EDIL3: variants seen among roughly 807,000 people sequenced by gnomAD.
EDIL3 encodes the protein EGF like and discoidin domains 3, also known as EGF-like repeat and discoidin I-like domain-containing protein 3.
Under a neutral mutation model 67.4 loss-of-function variants are expected in EDIL3, and 37 were observed. The observed-to-expected ratio is 0.55, with a 90% confidence interval of 0.42 to 0.72. EDIL3 has a LOEUF of 0.72. Among genes scored for constraint, EDIL3 ranks in the 30% least tolerant of loss-of-function variants. EDIL3 has a pLI of 0.00. For missense variants in EDIL3, 527 were observed against 586.3 expected (o/e 0.90, Z 1.04); for synonymous variants, 195 against 196.3 (o/e 0.99, Z 0.05).
chr5:84,109,731 C>T (rs1486921748), intron 5 of EDIL3, among the ~76,000 whole-genome samples: 1 of 152,048 alleles, frequency 6.6e-6, no homozygotes, highest in Non-Finnish European at 1.5e-5. Context: ...CAATTTCCAA[C>T]AGTTGCATAC....
chr5:84,153,399 C>G (rs1748433325), intron 4 of EDIL3, among the ~76,000 whole-genome samples: 1 of 152,096 alleles, frequency 6.6e-6, no homozygotes, highest in African/African-American at 2.4e-5. Context: ...CAGGTTCAAG[C>G]AATTCTCCTG....
intron 4 of EDIL3, among the ~76,000 whole-genome samples, chr5:84,142,270 C>T (rs1462001964): frequency 6.6e-6 from 1 of 151,952 alleles, no homozygotes; most frequent in Non-Finnish European, 1.5e-5. Context: ...GTGGCTTCTT[C>T]TCAGAGAATT....
chr5:84,305,904 TA>T (rs1322794874), intron 1 of EDIL3, among the ~76,000 whole-genome samples: 1 of 144,388 alleles, frequency 6.9e-6, no homozygotes, highest in Non-Finnish European at 1.5e-5. Flanking sequence ...AATAAATAAA[TA>T]AATAAATAAA....
chr5:84,105,498 C>T (rs1173892882), intron 6 of EDIL3, among the ~76,000 whole-genome samples: 1 of 151,970 alleles, frequency 6.6e-6, no homozygotes, highest in African/African-American at 2.4e-5. Flanking sequence ...ATACCAAATG[C>T]CTGTAAACTA....
chr5:83,955,662 A>T (rs1224367546), intron 10 of EDIL3, among the ~76,000 whole-genome samples: 1 of 151,718 alleles, frequency 6.6e-6, no homozygotes, highest in Non-Finnish European at 1.5e-5. Flanking sequence ...AATAACAGTC[A>T]CACCAGTAGG....
intron 10 of EDIL3, among the ~76,000 whole-genome samples, chr5:83,957,122 T>C (rs1049127067): frequency 1.1e-4 from 16 of 151,724 alleles, no homozygotes; most frequent in African/African-American, 3.4e-4. Context: ...CCTCCGTTCC[T>C]TCCTTCTCTG....
intron 1 of EDIL3, among the ~76,000 whole-genome samples, chr5:84,291,314 C>T (rs1222862022): frequency 1.3e-5 from 2 of 152,228 alleles, no homozygotes; most frequent in East Asian, 3.9e-4. Flanking sequence ...TATTTACACA[C>T]ACATGAATGC....
At chr5:84,104,735 G>A (rs1470274447) in intron 6 of EDIL3, among the ~76,000 whole-genome samples, 1 of 151,864 alleles carries the variant, frequency 6.6e-6, no homozygotes, top group Non-Finnish European at 1.5e-5. Flanking sequence ...TTCGATTAAG[G>A]TTATTTCTGC....
intron 1 of EDIL3, among the ~76,000 whole-genome samples, chr5:84,314,842 C>A (rs1213072735): frequency 3.9e-5 from 6 of 151,966 alleles, no homozygotes; most frequent in African/African-American, 1.4e-4. Flanking sequence ...TCCCAGGAAT[C>A]AAAGAAATCT....
At chr5:84,322,935 A>G (rs1746679369) in intron 1 of EDIL3, among the ~76,000 whole-genome samples, 1 of 151,986 alleles carries the variant, frequency 6.6e-6, no homozygotes, top group Admixed American at 6.6e-5. Context: ...CAAGAAAAAA[A>G]ATGTCAATCA....
intron 1 of EDIL3, among the ~76,000 whole-genome samples, chr5:84,358,023 A>C (rs1747523235): frequency 6.6e-6 from 1 of 152,146 alleles, no homozygotes; most frequent in African/African-American, 2.4e-5. Flanking sequence ...GAAGGTTTAT[A>C]CAGAAATCTC....
At chr5:84,127,588 G>A (rs1747890120) in intron 5 of EDIL3, among the ~76,000 whole-genome samples, 1 of 151,972 alleles carries the variant, frequency 6.6e-6, no homozygotes, top group Non-Finnish European at 1.5e-5. Context: ...TTATATAAGG[G>A]CCATTAATGG....
chr5:84,124,155 T>C (rs2112301770), intron 5 of EDIL3, among the ~76,000 whole-genome samples: 1 of 152,030 alleles, frequency 6.6e-6, no homozygotes, highest in East Asian at 1.9e-4. Context: ...TTTTAGGTAT[T>C]ACCAAAGAGA....
At chr5:84,320,569 T>C (rs1186059615) in intron 1 of EDIL3, among the ~76,000 whole-genome samples, 2 of 152,094 alleles carry the variant, frequency 1.3e-5, no homozygotes, top group African/African-American at 2.4e-5. Flanking sequence ...GCACACTTAA[T>C]GAAGATCTCA....
intron 9 of EDIL3, among the ~76,000 whole-genome samples, chr5:84,052,931 T>C (rs1746369619): frequency 6.6e-6 from 1 of 152,136 alleles, no homozygotes; most frequent in South Asian, 2.1e-4. Flanking sequence ...TATCCAGGAA[T>C]TGAATTCAGC....
chr5:84,376,420 C>T (rs1747969897), intron 1 of EDIL3, among the ~76,000 whole-genome samples: 1 of 152,104 alleles, frequency 6.6e-6, no homozygotes, highest in Non-Finnish European at 1.5e-5. Flanking sequence ...ATGTCAGAAC[C>T]TTGCACCTAA....
chr5:83,944,128 A>C (rs1744272751), intron 10 of EDIL3, among the ~76,000 whole-genome samples: 1 of 152,082 alleles, frequency 6.6e-6, no homozygotes, highest in South Asian at 2.1e-4. Flanking sequence ...GAGGCTGGGC[A>C]CTGGAGAGAA....
intron 9 of EDIL3, among the ~76,000 whole-genome samples, chr5:84,035,666 A>G (rs1746009266): frequency 6.6e-6 from 1 of 152,198 alleles, no homozygotes; most frequent in African/African-American, 2.4e-5. Context: ...CAAACATATT[A>G]TACTTTCTTT....
At chr5:84,064,151 T>A (rs959065149) in intron 8 of EDIL3, among the ~76,000 whole-genome samples, 11 of 152,134 alleles carry the variant, frequency 7.2e-5, no homozygotes, top group African/African-American at 2.4e-4. Flanking sequence ...CTAAGAATGA[T>A]CCAAGAATGA....
Sources: gnomAD v4.1 joint callset for allele counts (sites outside exome capture counted in the v4.1 genomes callset) on GRCh38, gnomAD v4.1.1 for gene constraint, MANE v1.5 for transcripts, NCBI Gene and HGNC (gene_info 2026-07-23, HGNC 2026-07-21) for gene names.